The following SMYD3 variants were observed in gnomAD, a reference collection of about 807,000 sequenced individuals.
SMYD3 encodes the protein SET and MYND domain containing 3, also known as histone-lysine N-methyltransferase SMYD3.
A neutral mutation model predicts 57.7 loss-of-function variants in SMYD3; 36 were observed. The observed-to-expected ratio is 0.62, with a 90% CI of 0.48 to 0.82. SMYD3 has a LOEUF of 0.82. SMYD3 is among the 40% of genes least tolerant of loss of function. The probability of loss-of-function intolerance (pLI) is 0.00; values close to 1 mark genes in which losing one functional copy is unlikely to be tolerated. For missense variants in SMYD3, 515 were observed against 538.8 expected (o/e 0.96, Z 0.44); for synonymous variants, 211 against 195.0 (o/e 1.08, Z -0.68).
chr1:246,335,209 G>T (rs1209229127), intron 3 of SMYD3, among the ~76,000 whole-genome samples, 158 bp downstream of exon 3: 2 of 152,124 alleles, frequency 1.3e-5, no homozygotes, highest in African/African-American at 4.8e-5. Flanking sequence ...TATTTACTGG[G>T]AAGCCAAAAA....
At chr1:245,906,819 A>G (rs929981331) in intron 8 of SMYD3, among the ~76,000 whole-genome samples, 4 of 152,214 alleles carry the variant, frequency 2.6e-5, no homozygotes, top group Non-Finnish European at 5.9e-5. Flanking sequence ...CCAGAAAAAA[A>G]TGAGATCCAG....
chr1:246,475,515 G>A (rs977640241), intron 1 of SMYD3, among the ~76,000 whole-genome samples: 30 of 151,704 alleles, frequency 2.0e-4, no homozygotes, highest in Admixed American at 6.6e-4. Flanking sequence ...GCATGATGGC[G>A]CGTGCCTGTA....
At chr1:246,138,436 T>TA (rs1270373195) in intron 5 of SMYD3, among the ~76,000 whole-genome samples, 64 of 150,976 alleles carry the variant, frequency 4.2e-4, no homozygotes, top group African/African-American at 1.4e-3. Flanking sequence ...TTTATTTATT[T>TA]TTTTTCTGAG....
rs1041903240 is a variant in SMYD3, at chr1:245,816,958, C to G, written c.1076+41538G>C. Among the ~76,000 whole-genome samples the G allele has an allele frequency of 2.0e-3, 300 of 151,114 alleles. 2 individuals carry two copies. Among genetic ancestry groups the G allele is most frequent in the African/African-American group, 7.0e-3 (288 of 41,418 alleles). The stretch of plus-strand genomic sequence containing the variant: ...CTGAGATCAAACTGCAAGGCGGCAG[C>G]GAGGCTGGGGGAGGGGCGCCCGCCA... On this transcript the variant is annotated intron_variant, in intron 10 of 11. Coordinates refer to ENST00000490107, the MANE Select transcript of SMYD3 (RefSeq NM_001167740.2).
chr1:245,921,547 GTGTA>G (rs967793040), intron 7 of SMYD3, among the ~76,000 whole-genome samples: 2 of 35,118 alleles, frequency 5.7e-5, no homozygotes, highest in African/African-American at 1.3e-4. Context: ...AAAAAATGTG[GTGTA>G]TATATATATA....
intron 5 of SMYD3, among the ~76,000 whole-genome samples, chr1:246,005,291 T>C (rs915006301): frequency 6.6e-6 from 1 of 152,242 alleles, no homozygotes; most frequent in Non-Finnish European, 1.5e-5. Flanking sequence ...CATTGCCCTA[T>C]GACTCAGCAG....
intron 1 of SMYD3, among the ~76,000 whole-genome samples, chr1:246,419,744 T>G (rs1325109387): frequency 6.6e-6 from 1 of 152,230 alleles, no homozygotes; most frequent in Non-Finnish European, 1.5e-5. Context: ...GGGATCTAAG[T>G]TGCATGCTCC....
intron 10 of SMYD3, among the ~76,000 whole-genome samples, chr1:245,777,031 C>A (rs1271037033): frequency 6.6e-6 from 1 of 152,022 alleles, no homozygotes; most frequent in African/African-American, 2.4e-5. Flanking sequence ...ACTTGCTCTA[C>A]GACAAAGGAG....
At chr1:246,413,280 T>C (rs1343677048) in intron 1 of SMYD3, among the ~76,000 whole-genome samples, 4 of 152,104 alleles carry the variant, frequency 2.6e-5, no homozygotes, top group Admixed American at 2.0e-4. Context: ...ACACAGTAAA[T>C]AGTCCAGCTT....
At chr1:246,363,831 C>G (rs2066051176) in intron 1 of SMYD3, among the ~76,000 whole-genome samples, 1 of 152,066 alleles carries the variant, frequency 6.6e-6, no homozygotes, top group Non-Finnish European at 1.5e-5. Flanking sequence ...GACCTTTGTT[C>G]ACTTGTTTAT....
At chr1:245,869,490 C>G (rs1032018435) in intron 8 of SMYD3, among the ~76,000 whole-genome samples, 9 of 152,194 alleles carry the variant, frequency 5.9e-5, no homozygotes, top group Admixed American at 4.6e-4. Flanking sequence ...CAATTTAGCT[C>G]CATCTCTGGT....
At chr1:246,090,723 G>A (rs1049227092) in intron 5 of SMYD3, among the ~76,000 whole-genome samples, 2 of 151,756 alleles carry the variant, frequency 1.3e-5, no homozygotes, top group Admixed American at 6.6e-5. Flanking sequence ...TTGCTATGTT[G>A]GTCAGGCTGG....
chr1:246,326,607 A>AAAAAAAAT, intron 5 of SMYD3, among the ~76,000 whole-genome samples: 1 of 149,186 alleles, frequency 6.7e-6, no homozygotes, highest in African/African-American at 2.5e-5. Context: ...AAAAAAAAAA[A>AAAAAAAAT]ACAAAATTTA....
intron 1 of SMYD3, among the ~76,000 whole-genome samples, chr1:246,373,863 A>G (rs1377507076): frequency 6.6e-6 from 1 of 152,204 alleles, no homozygotes; most frequent in Non-Finnish European, 1.5e-5. Context: ...ATAGACATGG[A>G]GAAATCTTTA....
At chr1:245,827,447 G>A (rs780044641) in intron 10 of SMYD3, among the ~76,000 whole-genome samples, 5 of 152,070 alleles carry the variant, frequency 3.3e-5, no homozygotes, top group Admixed American at 6.5e-5. Context: ...ACTTGCCTCC[G>A]GCCCACGTGA....
intron 5 of SMYD3, among the ~76,000 whole-genome samples, chr1:246,142,674 T>C (rs934272864): frequency 6.6e-6 from 1 of 152,054 alleles, no homozygotes; most frequent in Non-Finnish European, 1.5e-5. Flanking sequence ...CTATGAACTG[T>C]TTATTTCTGG....
chr1:245,932,225 A>G (rs886829383), intron 5 of SMYD3, among the ~76,000 whole-genome samples: 1 of 152,204 alleles, frequency 6.6e-6, no homozygotes, highest in Non-Finnish European at 1.5e-5. Context: ...TTCCTGGACT[A>G]TGAAGCAAAT....
intron 10 of SMYD3, among the ~76,000 whole-genome samples, chr1:245,836,427 G>A (rs549323437): frequency 4.1e-4 from 63 of 152,200 alleles, no homozygotes; most frequent in Non-Finnish European, 7.6e-4. Flanking sequence ...ATAGGGAGCC[G>A]TCTTCGTGCA....
chr1:246,274,556 CAT>C (rs1307295583), intron 5 of SMYD3, among the ~76,000 whole-genome samples: 2 of 152,150 alleles, frequency 1.3e-5, no homozygotes, highest in African/African-American at 2.4e-5. Context: ...ATAACTACAA[CAT>C]AGAACTTTTA....
Sources: gnomAD v4.1 joint callset for allele counts (sites outside exome capture counted in the v4.1 genomes callset) on GRCh38, gnomAD v4.1.1 for gene constraint, MANE v1.5 for transcripts, NCBI Gene and HGNC (gene_info 2026-07-23, HGNC 2026-07-21) for gene names.